The following PTPRD variants were observed in gnomAD, a reference collection of about 807,000 sequenced individuals.
The protein encoded by PTPRD is protein tyrosine phosphatase receptor type D.
PTPRD carries 34 observed loss-of-function variants against 214.5 expected under a neutral mutation model. The observed-to-expected ratio is 0.16, with a 90% CI of 0.12 to 0.21. The LOEUF (loss-of-function observed/expected upper bound fraction) is 0.21, where lower values mean the gene tolerates loss of function less well. Among genes scored for constraint, PTPRD ranks in the 10% least tolerant of loss-of-function variants. PTPRD has a pLI of 1.00. For missense variants in PTPRD, 2,545 were observed against 2,398.7 expected, an observed-to-expected ratio of 1.06 and a Z score of -1.27; for synonymous variants, 1,128 against 845.7, an observed-to-expected ratio of 1.33 and a Z score of -5.79.
intron 7 of PTPRD, among the ~76,000 whole-genome samples, chr9:9,714,724 C>T (rs765350289): frequency 2.5e-4 from 38 of 152,112 alleles, no homozygotes; most frequent in Non-Finnish European, 2.6e-4. Context: ...TGTGAGTTCT[C>T]TGCTGATGGT....
chr9:10,264,772 C>T (rs143036776), intron 3 of PTPRD, among the ~76,000 whole-genome samples: 97 of 152,048 alleles, frequency 6.4e-4, no homozygotes, highest in Middle Eastern at 3.4e-3. Context: ...GGACCAGGGG[C>T]GGAATGATAT....
At chr9:9,526,757 A>G (rs2074221741) in intron 8 of PTPRD, among the ~76,000 whole-genome samples, 1 of 152,164 alleles carries the variant, frequency 6.6e-6, no homozygotes, top group African/African-American at 2.4e-5. Context: ...GAATTTCCAA[A>G]TGAGTTTAAA....
chr9:10,411,823 G>A (rs2098438890), intron 2 of PTPRD, among the ~76,000 whole-genome samples: 1 of 151,566 alleles, frequency 6.6e-6, no homozygotes, highest in African/African-American at 2.4e-5. Flanking sequence ...TTATGATCAA[G>A]TTAAAACATT....
At chr9:8,601,824 C>T (rs2154277797) in intron 14 of PTPRD, among the ~76,000 whole-genome samples, 1 of 152,122 alleles carries the variant, frequency 6.6e-6, no homozygotes, top group East Asian at 1.9e-4. Context: ...ATTAGAAAAC[C>T]ATACATTTAT....
chr9:9,397,550 C>G (rs970672879), intron 8 of PTPRD, 68 bp from the exon 9 acceptor site: 3 of 152,286 alleles, frequency 2.0e-5, no homozygotes, highest in African/African-American at 7.2e-5. Flanking sequence ...AAATTGTCTT[C>G]AAACACATGT....
chr9:9,633,581 A>G (rs1281071588), intron 7 of PTPRD, among the ~76,000 whole-genome samples: 1 of 152,186 alleles, frequency 6.6e-6, no homozygotes, highest in East Asian at 1.9e-4. Context: ...ATTCTCTCTC[A>G]GTGAGAGATA....
At chr9:8,914,154 A>AAC (rs1160695561) in intron 11 of PTPRD, among the ~76,000 whole-genome samples, 1 of 152,158 alleles carries the variant, frequency 6.6e-6, no homozygotes, top group Non-Finnish European at 1.5e-5. Flanking sequence ...GGATGATTTT[A>AAC]ACACCTTTCT....
chr9:8,845,911 C>T (rs1865341), intron 11 of PTPRD, among the ~76,000 whole-genome samples: 122,329 of 152,164 alleles, frequency 0.8, 49,450 homozygotes, highest in Middle Eastern at 0.89. Context: ...AGTATAAAAC[C>T]AAGGCACCTG....
chr9:8,743,229 G>T (rs1178028182), intron 11 of PTPRD, among the ~76,000 whole-genome samples: 1 of 152,094 alleles, frequency 6.6e-6, no homozygotes, highest in East Asian at 1.9e-4. Flanking sequence ...TGGGAATATG[G>T]ATGACACCCA....
chr9:8,655,013 T>A (rs7032242), intron 12 of PTPRD, among the ~76,000 whole-genome samples: 3,410 of 152,266 alleles, frequency 0.022, 113 homozygotes, highest in African/African-American at 0.077. Flanking sequence ...ATAATAGGAA[T>A]TCATTCAAGA....
chr9:8,490,065 G>T (rs1016616465), intron 27 of PTPRD, among the ~76,000 whole-genome samples: 1 of 152,176 alleles, frequency 6.6e-6, no homozygotes, highest in African/African-American at 2.4e-5. Flanking sequence ...AGTCATGCCA[G>T]CTGTTGGTTC....
intron 18 of PTPRD, 57 bp downstream of exon 18, chr9:8,524,868 T>C: frequency 6.9e-7 from 1 of 1,447,756 alleles, no homozygotes; most frequent in East Asian, 2.3e-5. Flanking sequence ...CCCTGCGGCG[T>C]CTCAACTCCC....
intron 5 of PTPRD, among the ~76,000 whole-genome samples, chr9:9,858,666 A>G (rs2062034208): frequency 6.6e-6 from 1 of 152,310 alleles, no homozygotes; most frequent in South Asian, 2.1e-4. Flanking sequence ...TCTGGCTTAC[A>G]GGGTTGTATA....
At chr9:9,567,032 T>C (rs77750859) in intron 8 of PTPRD, among the ~76,000 whole-genome samples, 3,548 of 152,020 alleles carry the variant, frequency 0.023, 63 homozygotes, top group Non-Finnish European at 0.035. Flanking sequence ...GTCAAGTAGA[T>C]ATAAAAAATA....
At chr9:9,711,445 ACT>A (rs746789476) in intron 7 of PTPRD, among the ~76,000 whole-genome samples, 1 of 152,082 alleles carries the variant, frequency 6.6e-6, no homozygotes, top group Non-Finnish European at 1.5e-5. Flanking sequence ...AAAACATATA[ACT>A]CTGGCAACAA....
At chr9:10,205,355 ATTC>A (rs577247566) in intron 3 of PTPRD, among the ~76,000 whole-genome samples, 151 of 151,218 alleles carry the variant, frequency 1.0e-3, no homozygotes, top group African/African-American at 3.4e-3. Context: ...TGTGGCCACA[ATTC>A]TTCTTCTTCT....
intron 3 of PTPRD, among the ~76,000 whole-genome samples, chr9:10,267,726 C>T (rs779998257): frequency 1.8e-4 from 27 of 152,004 alleles, no homozygotes; most frequent in Non-Finnish European, 3.1e-4. Flanking sequence ...AAATGTTATG[C>T]ACAAAAATGT....
At chr9:8,959,967 C>T (rs530794654) in intron 11 of PTPRD, among the ~76,000 whole-genome samples, 1 of 151,956 alleles carries the variant, frequency 6.6e-6, no homozygotes, top group Non-Finnish European at 1.5e-5. Context: ...TCTTTCTTTC[C>T]CCAGTCACAC....
chr9:8,421,370 T>TTCTCTCTCTC (rs1554921173), intron 35 of PTPRD, among the ~76,000 whole-genome samples: 1 of 146,644 alleles, frequency 6.8e-6, no homozygotes, highest in Non-Finnish European at 1.5e-5. Context: ...TTCTCTTCTC[T>TTCTCTCTCTC]TCTCTCTCTC....
Sources: allele counts gnomAD v4.1 joint callset (sites outside exome capture counted in the v4.1 genomes callset), GRCh38; gene constraint gnomAD v4.1.1; transcripts MANE v1.5; gene names NCBI Gene and HGNC (gene_info 2026-07-23, HGNC 2026-07-21).